The following RBFOX1 variants were observed in gnomAD, a reference collection of about 807,000 sequenced individuals.
The protein encoded by RBFOX1 is RNA binding fox-1 homolog 1, also known as RNA binding protein fox-1 homolog 1.
Under a neutral mutation model 57.7 loss-of-function variants are expected in RBFOX1, and 8 were observed. That is an observed-to-expected ratio of 0.14 (90% CI 0.08 to 0.25). The LOEUF is 0.25. Ranked by LOEUF, RBFOX1 falls within the 10% of genes least tolerant of loss-of-function variation. RBFOX1 has a pLI of 1.00. For missense variants in RBFOX1, 611 were observed against 548.5 expected, an observed-to-expected ratio of 1.11 and a Z score of -1.14; for synonymous variants, 326 against 222.4, an observed-to-expected ratio of 1.47 and a Z score of -4.15.
intron 3 of RBFOX1, among the ~76,000 whole-genome samples, chr16:6,902,927 C>G (rs191394787): frequency 2.0e-5 from 3 of 152,150 alleles, no homozygotes; most frequent in Admixed American, 1.3e-4. Context: ...AGATTCTACT[C>G]TTTACTTGTT....
intron 1 of RBFOX1, among the ~76,000 whole-genome samples, chr16:6,088,022 C>G (rs2096114582): frequency 6.6e-6 from 1 of 152,104 alleles, no homozygotes; most frequent in South Asian, 2.1e-4. Context: ...TTATTCTAAT[C>G]AAGCATATTT....
intron 4 of RBFOX1, among the ~76,000 whole-genome samples, chr16:7,094,773 T>TGTGTGTGTGTGGGTGG (rs1272219459): frequency 7.1e-6 from 1 of 140,920 alleles, no homozygotes; most frequent in African/African-American, 2.5e-5. Context: ...TGTGTGTGTG[T>TGTGTGTGTGTGGGTGG]GTGGGTGTGT....
chr16:7,658,936 G>C (rs536318416), intron 12 of RBFOX1, among the ~76,000 whole-genome samples: 13 of 152,282 alleles, frequency 8.5e-5, no homozygotes, highest in African/African-American at 2.9e-4. Flanking sequence ...TATTGGCCAG[G>C]CTGCTCTCAA....
At chr16:6,738,482 C>A (rs953939686) in intron 3 of RBFOX1, among the ~76,000 whole-genome samples, 14 of 152,032 alleles carry the variant, frequency 9.2e-5, no homozygotes, top group African/African-American at 3.4e-4. Context: ...GCTGTAAAAT[C>A]TGTGAAGCAA....
At chr16:6,243,548 G>C (rs773296062) in intron 1 of RBFOX1, among the ~76,000 whole-genome samples, 1 of 152,108 alleles carries the variant, frequency 6.6e-6, no homozygotes, top group African/African-American at 2.4e-5. Context: ...GTCAGTCCTC[G>C]TTCAGCAAGA....
chr16:6,065,505 A>G (rs1450127647), intron 1 of RBFOX1, among the ~76,000 whole-genome samples: 1 of 151,580 alleles, frequency 6.6e-6, no homozygotes, highest in Admixed American at 6.6e-5. Context: ...GTTTCCACTC[A>G]GTCCTCTGTC....
At chr16:6,885,189 A>G (rs906800660) in intron 3 of RBFOX1, among the ~76,000 whole-genome samples, 3 of 152,152 alleles carry the variant, frequency 2.0e-5, no homozygotes, top group African/African-American at 7.2e-5. Context: ...ATTCCCAATG[A>G]CTGAGCCATC....
intron 4 of RBFOX1, among the ~76,000 whole-genome samples, chr16:7,308,343 T>G (rs1482044825): frequency 1.3e-5 from 2 of 151,136 alleles, no homozygotes; most frequent in African/African-American, 4.9e-5. Flanking sequence ...AGAGGATCAG[T>G]AGCATATTAA....
At chr16:7,353,500 C>T (rs777979289) in intron 4 of RBFOX1, among the ~76,000 whole-genome samples, 8 of 152,110 alleles carry the variant, frequency 5.3e-5, no homozygotes, top group Non-Finnish European at 8.8e-5. Flanking sequence ...TACACAAAAA[C>T]GTGTGTACCA....
rs573736426 is a variant in RBFOX1, at chr16:7,416,105, C to T, written c.28-102042C>T. On this transcript the variant is annotated intron_variant, in intron 4 of 15. Coordinates refer to ENST00000550418, the MANE Select transcript of RBFOX1 (RefSeq NM_018723.4). Reference sequence around the variant, plus strand: ...AAACCTCCAGCCCCCCAATCTGAAACGATTGCTCCCATTTTGTATTCCATG... The same window carrying T: ...AAACCTCCAGCCCCCCAATCTGAAATGATTGCTCCCATTTTGTATTCCATG... Among the ~76,000 whole-genome samples, 46 of 152,256 alleles carry T rather than the reference C, an allele frequency of 3.0e-4. No individual in the cohort carries two copies. The Middle Eastern group carries it at 0.014, about 45-fold the overall frequency.
chr16:6,529,404 C>G, intron 2 of RBFOX1, among the ~76,000 whole-genome samples: 1 of 151,872 alleles, frequency 6.6e-6, no homozygotes, highest in East Asian at 1.9e-4. Flanking sequence ...ACTAAAAATA[C>G]AAAAATCAGT....
At chr16:6,824,443 C>T (rs61197377) in intron 3 of RBFOX1, among the ~76,000 whole-genome samples, 2 of 152,140 alleles carry the variant, frequency 1.3e-5, no homozygotes, top group African/African-American at 4.8e-5. Context: ...GTCAAGGCAA[C>T]TCAAGATGTT....
intron 3 of RBFOX1, among the ~76,000 whole-genome samples, chr16:6,901,652 CTA>C (rs1257123882): frequency 6.6e-6 from 1 of 152,148 alleles, no homozygotes; most frequent in Non-Finnish European, 1.5e-5. Flanking sequence ...CTTCAACAAA[CTA>C]AAACAGTTGA....
intron 4 of RBFOX1, among the ~76,000 whole-genome samples, chr16:7,470,215 T>C (rs996787400): frequency 6.6e-6 from 1 of 152,206 alleles, no homozygotes. Flanking sequence ...ATAGAACTTA[T>C]CTCACAGAGT....
At chr16:7,273,218 C>CTTCT (rs2095369633) in intron 4 of RBFOX1, among the ~76,000 whole-genome samples, 2 of 127,266 alleles carry the variant, frequency 1.6e-5, no homozygotes, top group African/African-American at 6.0e-5. Flanking sequence ...TCCTTCCTTC[C>CTTCT]TTCCTTCCTT....
At chr16:7,361,634 C>T (rs2097323494) in intron 4 of RBFOX1, among the ~76,000 whole-genome samples, 1 of 152,212 alleles carries the variant, frequency 6.6e-6, no homozygotes, top group Non-Finnish European at 1.5e-5. Context: ...ACACACCAAA[C>T]AGGTGGGAGA....
intron 2 of RBFOX1, among the ~76,000 whole-genome samples, chr16:6,647,173 CAG>C (rs140389660): frequency 1.9e-4 from 28 of 150,140 alleles, no homozygotes; most frequent in South Asian, 1.5e-3. Flanking sequence ...CTTACGCTAC[CAG>C]AGAGAGAGAG....
At position 5,337,194 on chromosome 16, in the gene RBFOX1, T is replaced by C. The variant is rs996303924; in HGVS notation, c.219+97089T>C. ...AAGAACCTCCCCCTCACTGTGGTTT[T>C]GGCTTTGTGGGGCCATTGACTGGGC... On this transcript the variant is annotated intron_variant, in intron 1 of 2. Coordinates refer to the RBFOX1 transcript ENST00000585867. 2.0e-5 allele frequency among the ~76,000 whole-genome samples: 3 copies of C among 152,350 alleles called. No individual in the cohort carries two copies. In the South Asian group the frequency reaches 6.2e-4, roughly 32 times the overall value.
chr16:7,178,907 A>T (rs1057497552), intron 4 of RBFOX1, among the ~76,000 whole-genome samples: 1 of 152,154 alleles, frequency 6.6e-6, no homozygotes, highest in African/African-American at 2.4e-5. Flanking sequence ...TGATTTGGTT[A>T]ACAAGATCGT....
Sources: allele counts gnomAD v4.1 joint callset (sites outside exome capture counted in the v4.1 genomes callset), GRCh38; gene constraint gnomAD v4.1.1; transcripts MANE v1.5; gene names NCBI Gene and HGNC (gene_info 2026-07-23, HGNC 2026-07-21).